GAB4: variants seen among roughly 807,000 people sequenced by gnomAD.
GAB4 encodes the protein GRB2 associated binding protein family member 4, also known as GRB2-associated-binding protein 4.
Under a neutral mutation model 51.3 loss-of-function variants are expected in GAB4, and 26 were observed. The observed-to-expected ratio is 0.51, with a 90% CI of 0.37 to 0.70. The LOEUF (loss-of-function observed/expected upper bound fraction) is 0.70. Ranked by LOEUF, GAB4 falls within the 30% of genes least tolerant of loss-of-function variation. GAB4 has a pLI of 0.00. For missense variants in GAB4, 759 were observed against 734.6 expected (o/e 1.03, Z -0.38); for synonymous variants, 329 against 291.2 (o/e 1.13, Z -1.32).
chr22:17,007,713 G>A (rs2123735938), intron 1 of GAB4, among the ~76,000 whole-genome samples: 2 of 152,268 alleles, frequency 1.3e-5, no homozygotes, highest in Middle Eastern at 6.8e-3. Context: ...GGCGCTCAAG[G>A]TAATAGGGTC....
intron 3 of GAB4, among the ~76,000 whole-genome samples, chr22:16,978,805 T>C (rs144646836): frequency 0.014 from 2,144 of 152,248 alleles, 24 homozygotes; most frequent in South Asian, 0.024. Flanking sequence ...AAATTGAATC[T>C]AGCAGCACAT....
chr22:16,969,100 G>C (rs755123228), intron 4 of GAB4, among the ~76,000 whole-genome samples: 1 of 152,220 alleles, frequency 6.6e-6, no homozygotes, highest in Non-Finnish European at 1.5e-5. Flanking sequence ...GTTATATGCA[G>C]ATATAAAATA....
At chr22:16,971,054 C>T (rs1266080664) in intron 3 of GAB4, among the ~76,000 whole-genome samples, 1 of 151,822 alleles carries the variant, frequency 6.6e-6, no homozygotes, top group Non-Finnish European at 1.5e-5. Context: ...AAAAATTAGC[C>T]GGGCATGGTG....
Position 17,003,242 on chromosome 22 carries a change from C to T in GAB4, c.174+4699G>A, listed in dbSNP as rs535752508. Among the ~76,000 whole-genome samples, 5 of 152,174 alleles carry T rather than the reference C, an allele frequency of 3.3e-5. No homozygotes were observed. In the South Asian group the frequency reaches 8.3e-4, roughly 25 times the overall value. On this transcript the variant is annotated intron_variant, in intron 1 of 9. Coordinates refer to ENST00000400588, the MANE Select transcript of GAB4 (RefSeq NM_001037814.1). ...ACACAGTAATAGTGGGAGACTTTAA[C>T]ACCCCACTGTCAATATTAGGCAGAT... is the stretch of plus-strand genomic sequence containing the variant.
chr22:16,966,597 G>A, intron 5 of GAB4: 1 of 539,908 alleles, frequency 1.9e-6, no homozygotes, highest in East Asian at 3.0e-5. Context: ...TCAGACTTTG[G>A]AGCAGCTTCC....
rs773888655 is a variant in GAB4, at chr22:16,970,043, G to T, written c.837C>A (p.His279Gln). Reference protein sequence around the residue: ...GFHSLSKPSQHNAEFRGSTHR... With the variant: ...GFHSLSKPSQQNAEFRGSTHR... ...GGGTGCTGCCTCTGAATTCTGCATT[G>T]TGCTGGCTGGGCTTGGAAAGGCTAT... Residue 279 changes from histidine (H) to glutamine (Q), a missense_variant, in exon 4 of 10, where the codon CAC (histidine) becomes CAA (glutamine). This residue lies in a region of GAB4 where 588 missense variants were observed against 510.2 expected (regional missense o/e 1.15). Coordinates refer to ENST00000400588, the MANE Select transcript of GAB4 (RefSeq NM_001037814.1). 6.2e-7 allele frequency: 1 copy of T among 1,614,188 alleles called. No homozygotes were observed.
At chr22:16,992,413 A>G (rs73876620) in intron 1 of GAB4, among the ~76,000 whole-genome samples, 154 of 152,290 alleles carry the variant, frequency 1.0e-3, no homozygotes, top group African/African-American at 3.7e-3. Context: ...CACACTTTAG[A>G]GCAGGAGGTT....
At chr22:16,982,859 T>C (rs1453222622) in intron 3 of GAB4, among the ~76,000 whole-genome samples, 1 of 152,160 alleles carries the variant, frequency 6.6e-6, no homozygotes, top group East Asian at 1.9e-4. Context: ...AAACCCCTCT[T>C]GGCCTTTGGA....
chr22:17,008,025 G>A lies in GAB4; in HGVS notation c.90C>T (p.Pro30=), dbSNP rs762748586. 1.5e-5 allele frequency: 24 copies of A among 1,610,194 alleles called. No individual in the cohort carries two copies. The highest frequency in any genetic ancestry group is 2.0e-5 in the Non-Finnish European group (24 of 1,178,670). ...GGCCACTTCTCGTGCTTCCGCCGGC[G>A]GGGCCACTTCCGGGCCACGAAGACA... ...APLSSWPGSG[P]AGGSTRSGHV... The change falls in exon 1 of 10, where the codon CCC becomes CCT. Residue 30 remains proline, a synonymous_variant. Transcript: ENST00000400588.
intron 3 of GAB4, among the ~76,000 whole-genome samples, chr22:16,977,858 A>G (rs975700396): frequency 3.9e-5 from 6 of 152,230 alleles, no homozygotes; most frequent in South Asian, 4.1e-4. Context: ...TCAAATTCGA[A>G]CTCAGGATTA....
Position 16,988,161 on chromosome 22 carries a change from A to G in GAB4, c.485T>C (p.Leu162Pro). 6.2e-7 allele frequency: 1 copy of G among 1,611,276 alleles called. No individual in the cohort carries two copies. Among genetic ancestry groups the G allele is most frequent in the Non-Finnish European group, 8.5e-7 (1 of 1,177,946 alleles). Residue 162 changes from leucine (L) to proline (P), a missense_variant, in exon 3 of 10, where the codon CTG (leucine) becomes CCG (proline). Leu to Pro is a moderately conservative substitution (Grantham distance 98). Coordinates refer to ENST00000400588, the MANE Select transcript of GAB4 (RefSeq NM_001037814.1). ...GTGACTGGCTGAGGAAATGTTTCCC[A>G]GGAAGCCTGTGAATGAAACAGGAAG... ...GFRQEESTGF[L>P]GNISSASHGL...
intron 8 of GAB4, among the ~76,000 whole-genome samples, 155 bp from the exon 9 acceptor site, chr22:16,963,984 C>G (rs986815677): frequency 2.6e-5 from 4 of 152,146 alleles, no homozygotes; most frequent in Non-Finnish European, 5.9e-5. Flanking sequence ...TTTCAGCAGT[C>G]CTGTGAGCCA....
At chr22:16,988,503 T>C (rs1469087212) in intron 2 of GAB4, among the ~76,000 whole-genome samples, 3 of 152,128 alleles carry the variant, frequency 2.0e-5, no homozygotes, top group African/African-American at 7.2e-5. Flanking sequence ...GCCACCTCCC[T>C]CCTCCATGGT....
rs1163234916 is a variant in GAB4, at chr22:17,007,946, G to C, written c.169C>G (p.Leu57Val). The change falls in exon 1 of 10, where the codon CTC becomes GTC. Residue 57 changes from leucine to valine, a missense_variant. Leu to Val is a conservative substitution (Grantham distance 32, BLOSUM62 1). Transcript: ENST00000400588. Reference protein sequence around the residue: ...RKSPPEKKLRLFAWRKRWFIL... With the variant: ...RKSPPEKKLRVFAWRKRWFIL... ...GCCCCCACTGCCCCACTCACAAAGAGCCTCAGCTTCTTCTCGGGGGGCGAC... is the reference window on the plus strand; with the variant it reads ...GCCCCCACTGCCCCACTCACAAAGACCCTCAGCTTCTTCTCGGGGGGCGAC... 5.6e-6 allele frequency: 9 copies of C among 1,600,318 alleles called. No homozygotes were observed. In the African/African-American group the frequency reaches 9.4e-5, roughly 17 times the overall value.
chr22:17,005,764 A>G lies in GAB4; in HGVS notation c.174+2177T>C, dbSNP rs147737789. ...GCAATGGGGAAAGGATTCCCTATTT[A>G]ATAAATGGTGTTGGGAAAACTGGCT... On this transcript the variant is annotated intron_variant, in intron 1 of 9. Transcript: ENST00000400588. Among the ~76,000 whole-genome samples, 107 of 152,374 alleles carry G rather than the reference A, an allele frequency of 7.0e-4. 1 individual carries two copies. The East Asian group carries it at 0.017, about 24-fold the overall frequency.
chr22:16,983,602 C>CTGTGT (rs1158644668), intron 3 of GAB4, among the ~76,000 whole-genome samples: 12 of 152,226 alleles, frequency 7.9e-5, no homozygotes, highest in African/African-American at 2.9e-4. Flanking sequence ...TAAAAATGGA[C>CTGTGT]ACACAGGCCA....
At chr22:16,984,627 T>C (rs1047860175) in intron 3 of GAB4, among the ~76,000 whole-genome samples, 3 of 152,232 alleles carry the variant, frequency 2.0e-5, no homozygotes, top group Admixed American at 1.3e-4. Flanking sequence ...GTTGATGTTT[T>C]GGTTTCTGCA....
Position 16,966,291 on chromosome 22 carries a change from G to C in GAB4, c.1097C>G (p.Ser366Cys), listed in dbSNP as rs772328196. ...TTGCTTCACAGCCGGCAGGGTAGGG[G>C]AGCCTGGGTTCATGGGCACACAGCT... ...EGSCVPMNPG[S>C]PTLPAVKQAG... is the part of the protein sequence containing the mutation. Residue 366 changes from serine to cysteine, a missense_variant, in exon 6 of 10, where the codon TCC (serine) becomes TGC (cysteine). Coordinates refer to ENST00000400588, the MANE Select transcript of GAB4 (RefSeq NM_001037814.1). 6.2e-6 allele frequency: 10 copies of C among 1,613,848 alleles called. No individual in the cohort carries two copies. Among genetic ancestry groups the C allele is most frequent in the Middle Eastern group, 3.3e-4 (2 of 6,062 alleles).
chr22:16,965,121 C>T, intron 7 of GAB4, 57 bp downstream of exon 7: 1 of 1,288,062 alleles, frequency 7.8e-7, no homozygotes, highest in East Asian at 2.4e-5. Flanking sequence ...ATGACCATCC[C>T]ACTCACTCCT....
Sources: gnomAD v4.1 joint callset for allele counts (sites outside exome capture counted in the v4.1 genomes callset) on GRCh38, gnomAD v4.1.1 for gene constraint, gnomAD v4.1.1 regional missense constraint, MANE v1.5 for transcripts, NCBI Gene and HGNC (gene_info 2026-07-23, HGNC 2026-07-21) for gene names.